Variants in GREB1 observed in about 807,000 individuals in gnomAD.
GREB1 encodes the protein growth regulating estrogen receptor binding 1.
In GREB1, 106 loss-of-function variants were observed where a neutral mutation model predicts 200.7. The observed-to-expected ratio is 0.53, with a 90% CI of 0.45 to 0.62. The LOEUF (loss-of-function observed/expected upper bound fraction) is 0.62, where lower values mean the gene tolerates loss of function less well. Among genes scored for constraint, GREB1 ranks in the 20% least tolerant of loss-of-function variants. The probability of loss-of-function intolerance (pLI) is 0.00; values close to 1 mark genes in which losing one functional copy is unlikely to be tolerated. For synonymous variants in GREB1, 1,132 were observed against 1,092.4 expected (o/e 1.04, Z -0.72); for missense variants, 2,243 against 2,556.8 (o/e 0.88, Z 2.65).
intron 1 of GREB1, among the ~76,000 whole-genome samples, chr2:11,539,314 GTGC>G (rs138509747): frequency 0.076 from 11,588 of 152,174 alleles, 603 homozygotes; most frequent in Non-Finnish European, 0.11. Context: ...GCCTCCCACA[GTGC>G]TGGGATTACA....
rs866621192 is a variant in GREB1 at position 11,484,605 on chromosome 2, A to G, written c.-159+2224A>G. Among the ~76,000 whole-genome samples the G allele has an allele frequency of 4.3e-3, 645 of 149,480 alleles. 3 individuals carry two copies. The highest frequency in any genetic ancestry group is 0.021 in the Middle Eastern group (6 of 292). ...TCTCTTAAAAAACAAAAAAAAAAAA[A>G]AAAGAAAGAAAGAAAAAGAAAGAAA... On this transcript the variant is annotated intron_variant, in intron 1 of 2. Transcript: ENST00000628795.
chr2:11,490,523 A>G (rs1221340251), intron 1 of GREB1, among the ~76,000 whole-genome samples: 2 of 152,202 alleles, frequency 1.3e-5, no homozygotes, highest in African/African-American at 4.8e-5. Context: ...GAATCTTCAT[A>G]AACAAATTTT....
chr2:11,609,238 ATTAT>A lies in GREB1; in HGVS notation c.2667-1447_2667-1444del, dbSNP rs1211586244. ...CTTTCTTTCTTTCTTCCTGGGCATT[ATTAT>A]TTTATTTATTTATTTATTTATTTAT... On this transcript the variant is annotated intron_variant, in intron 17 of 32. Transcript: ENST00000381486. Among the ~76,000 whole-genome samples, 3 of 134,984 alleles carry A rather than the reference ATTAT, an allele frequency of 2.2e-5. 1 individual carries two copies. Among genetic ancestry groups the A allele is most frequent in the Admixed American group, 8.0e-5 (1 of 12,514 alleles). 88.6% of individuals were successfully genotyped at this position (134,984 alleles called of 152,430 possible).
chr2:11,633,639 T>C lies in GREB1; in HGVS notation c.4992-492T>C, dbSNP rs1488724313. 6.6e-6 allele frequency among the ~76,000 whole-genome samples: 1 copy of C among 151,764 alleles called. No homozygotes were observed. The highest frequency in any genetic ancestry group is 2.4e-5 in the African/African-American group (1 of 41,288). On this transcript the variant is annotated intron_variant, in intron 28 of 32. Transcript: ENST00000381486. The surrounding 1 kb of genome is among the most constrained non-coding windows in gnomAD (Gnocchi z 4.1). ...ATCACACTATCCATTTAGTATAATATATAGACAAAAAAGAAAGTATAATAC... is the reference window on the plus strand; with the variant it reads ...ATCACACTATCCATTTAGTATAATACATAGACAAAAAAGAAAGTATAATAC...
rs1682844482 is a variant in GREB1, at chr2:11,610,734, C to T, written c.2713C>T (p.Gln905Ter). 1 of 1,613,404 alleles carries T rather than the reference C, an allele frequency of 6.2e-7. No individual in the cohort carries two copies. Among genetic ancestry groups the T allele is most frequent in the Non-Finnish European group, 8.5e-7 (1 of 1,179,968 alleles). ...GGTGATCAGGACCTTTGTTCTCGTG[C>T]AGCACTACGCGGCCGCCCTGATGGC... ...SAVIRTFVLV[Q>*]HYAAALMAVS... The change falls in exon 18 of 33, where the codon CAG (glutamine) becomes TAG (stop). Residue 905 changes from glutamine (Q) to a stop codon, truncating the protein, a stop_gained. Transcript: ENST00000381486. LOFTEE classifies it high-confidence loss of function.
intron 1 of GREB1, among the ~76,000 whole-genome samples, chr2:11,547,994 C>A (rs141740705): frequency 5.3e-5 from 8 of 152,186 alleles, no homozygotes; most frequent in African/African-American, 1.9e-4. Flanking sequence ...CCAGCCTGGG[C>A]AACCTAGCAA....
Position 11,535,046 on chromosome 2 carries a change from C to T in GREB1, c.-162+792C>T, listed in dbSNP as rs557097556. The stretch of plus-strand genomic sequence containing the variant: ...ATTCAATTTGTATCAGAAGAGCTTT[C>T]GGTATTTTTTGCCTGGGGTGAACGC... On this transcript the variant is annotated intron_variant, in intron 1 of 32. Transcript: ENST00000381486. 9.9e-5 allele frequency among the ~76,000 whole-genome samples: 15 copies of T among 152,260 alleles called. No homozygotes were observed. The South Asian group carries it at 1.4e-3, about 15-fold the overall frequency.
intron 1 of GREB1, among the ~76,000 whole-genome samples, chr2:11,551,386 G>A (rs546130249): frequency 2.6e-5 from 4 of 152,028 alleles, no homozygotes; most frequent in Non-Finnish European, 5.9e-5. Context: ...GTGTCTGCCC[G>A]GCCTCCTGCC....
At chr2:11,600,579 C>T (rs138070292) in intron 15 of GREB1, among the ~76,000 whole-genome samples, 10 of 152,270 alleles carry the variant, frequency 6.6e-5, no homozygotes, top group East Asian at 5.8e-4. Flanking sequence ...TACCGTCCCA[C>T]GCCAGACACA....
At chr2:11,484,146 C>T (rs186676242) in intron 1 of GREB1, among the ~76,000 whole-genome samples, 1 of 152,284 alleles carries the variant, frequency 6.6e-6, no homozygotes, top group East Asian at 1.9e-4. Context: ...AATTCCACTT[C>T]TCGATCCTCT....
At chr2:11,635,511 G>C in intron 30 of GREB1, 106 bp downstream of exon 30, 1 of 1,321,156 alleles carries the variant, frequency 7.6e-7, no homozygotes, top group East Asian at 2.4e-5. Flanking sequence ...TCTTTCAAGC[G>C]CATGGGGCAG....
chr2:11,508,908 TC>T (rs1673263013), intron 1 of GREB1, among the ~76,000 whole-genome samples: 1 of 147,172 alleles, frequency 6.8e-6, no homozygotes, highest in Non-Finnish European at 1.5e-5. Flanking sequence ...AGAGTCTCGC[TC>T]TGTCGCCCAG....
intron 23 of GREB1, among the ~76,000 whole-genome samples, chr2:11,623,074 G>A (rs575132465): frequency 1.3e-5 from 2 of 152,302 alleles, no homozygotes; most frequent in African/African-American, 2.4e-5. Flanking sequence ...AAATTTAGTC[G>A]TGCGCCACAT....
At position 11,640,502 on chromosome 2, in the gene GREB1, A is replaced by C. The variant is rs1244728281; in HGVS notation, c.*48A>C. ...GAAGAGATGAGTGCTCAGAGCCCTC[A>C]TGCTGTTGAGGCTAAAGGGAGGCCT... is the stretch of plus-strand genomic sequence containing the variant. On this transcript the variant is annotated 3_prime_UTR_variant, in exon 33 of 33. Transcript: ENST00000381486. The surrounding 1 kb of genome is among the most constrained non-coding windows in gnomAD (Gnocchi z 4.6). 6.2e-7 allele frequency: 1 copy of C among 1,604,138 alleles called. No individual in the cohort carries two copies. The highest frequency in any genetic ancestry group is 1.1e-5 in the South Asian group (1 of 90,692).
Position 11,641,513 on chromosome 2 carries a change from TCTAG to T in GREB1, c.*1062_*1065del, listed in dbSNP as rs1685808289. The T allele has an allele frequency of 9.5e-6, 1 of 105,140 alleles. No individual in the cohort carries two copies. Among genetic ancestry groups the T allele is most frequent in the South Asian group, 2.8e-4 (1 of 3,530 alleles). 6.5% of individuals were successfully genotyped at this position (105,140 alleles called of 1,614,324 possible). A position where few individuals can be genotyped will look rare whatever the true frequency, so the allele number is the denominator to read the frequency against. On this transcript the variant is annotated 3_prime_UTR_variant, in exon 33 of 33. Transcript: ENST00000381486. The stretch of plus-strand genomic sequence containing the variant: ...GTTTTGTTTTGTTTTTGAGATGGAC[TCTAG>T]CTCTGTCACCCAGGCTGGAGTGCAG...
intron 32 of GREB1, among the ~76,000 whole-genome samples, chr2:11,639,286 G>A (rs1383876512): frequency 6.6e-6 from 1 of 152,044 alleles, no homozygotes; most frequent in African/African-American, 2.4e-5. Flanking sequence ...ACAGGGTTTT[G>A]CCATGTTGGC....
intron 7 of GREB1, among the ~76,000 whole-genome samples, chr2:11,581,597 C>G (rs908671298): frequency 1.3e-5 from 2 of 152,196 alleles, no homozygotes; most frequent in East Asian, 3.9e-4. Flanking sequence ...GCGGAGCAAC[C>G]TGGGGACCTG....
chr2:11,534,534 G>A (rs1259459776), intron 1 of GREB1, among the ~76,000 whole-genome samples: 2 of 152,256 alleles, frequency 1.3e-5, no homozygotes, highest in African/African-American at 4.8e-5. Flanking sequence ...TGGGGAGCGT[G>A]CGGCTTTCAT....
intron 1 of GREB1, among the ~76,000 whole-genome samples, chr2:11,541,453 C>G (rs9789514): frequency 0.67 from 101,671 of 150,972 alleles, 34,866 homozygotes; most frequent in South Asian, 0.84. Context: ...GAGAGGGGGG[C>G]CATGGGGATC....
Sources: gnomAD v4.1 joint callset for allele counts (sites outside exome capture counted in the v4.1 genomes callset) on GRCh38, gnomAD v4.1.1 for gene constraint, Gnocchi (gnomAD v3.1) non-coding constraint, MANE v1.5 for transcripts, NCBI Gene and HGNC (gene_info 2026-07-23, HGNC 2026-07-21) for gene names.